TPD52: variants seen among roughly 807,000 people sequenced by gnomAD.
TPD52 encodes the protein tumor protein D52, also known as prostate and colon associated protein.
TPD52 carries 17 observed loss-of-function variants against 31.3 expected under a neutral mutation model. The observed-to-expected ratio is 0.54, with a 90% CI of 0.37 to 0.82. The LOEUF (loss-of-function observed/expected upper bound fraction) is 0.82. TPD52 is among the 40% of genes least tolerant of loss of function. TPD52 has a pLI of 0.00. For synonymous variants in TPD52, 83 were observed against 89.6 expected (o/e 0.93, Z 0.42); for missense variants, 212 against 240.1 (o/e 0.88, Z 0.77).
At chr8:80,050,082 C>A (rs1397326549) in intron 5 of TPD52, among the ~76,000 whole-genome samples, 1 of 152,000 alleles carries the variant, frequency 6.6e-6, no homozygotes, top group African/African-American at 2.4e-5. Context: ...AACATCCTTA[C>A]AAAAGTACCA....
intron 1 of TPD52, among the ~76,000 whole-genome samples, chr8:80,090,548 T>A (rs961229736): frequency 6.6e-6 from 1 of 152,308 alleles, no homozygotes; most frequent in Admixed American, 6.5e-5. Context: ...CTAGATTAAA[T>A]CATGTTGGCA....
chr8:80,148,890 A>T (rs1810384148), intron 1 of TPD52, among the ~76,000 whole-genome samples: 1 of 152,122 alleles, frequency 6.6e-6, no homozygotes, highest in Admixed American at 6.5e-5. Flanking sequence ...TTCTTTTTTT[A>T]ACCTAAAAGC....
chr8:80,142,565 T>G (rs7823930), intron 1 of TPD52, among the ~76,000 whole-genome samples: 77,441 of 151,902 alleles, frequency 0.51, 20,250 homozygotes, highest in East Asian at 0.78. Flanking sequence ...AGCCAGGTGT[T>G]GTGCCGCACA....
chr8:80,133,138 T>C (rs995987191), intron 1 of TPD52, among the ~76,000 whole-genome samples: 3 of 152,190 alleles, frequency 2.0e-5, no homozygotes, highest in Non-Finnish European at 2.9e-5. Flanking sequence ...CCTGCATTTG[T>C]AAAACCAGGT....
chr8:80,124,665 T>A (rs1446407961), intron 1 of TPD52, among the ~76,000 whole-genome samples: 3 of 152,216 alleles, frequency 2.0e-5, no homozygotes, highest in African/African-American at 7.2e-5. Flanking sequence ...TATGTTTATA[T>A]GAATTTCACT....
intron 1 of TPD52, among the ~76,000 whole-genome samples, chr8:80,136,234 GA>G (rs1285399067): frequency 1.1e-4 from 14 of 130,640 alleles, no homozygotes; most frequent in Admixed American, 1.0e-3. Context: ...TGACATTTAA[GA>G]AAACAATGGC....
chr8:80,137,229 A>G (rs944394026), intron 1 of TPD52, among the ~76,000 whole-genome samples: 1 of 152,238 alleles, frequency 6.6e-6, no homozygotes, highest in African/African-American at 2.4e-5. Flanking sequence ...GGCTGTAAAT[A>G]GACACAGGGT....
intron 1 of TPD52, among the ~76,000 whole-genome samples, chr8:80,149,456 CA>C (rs200412689): frequency 0.012 from 1,825 of 152,226 alleles, 18 homozygotes; most frequent in Non-Finnish European, 0.019. Flanking sequence ...TCCTCATTAG[CA>C]GTGTGAGAAA....
At chr8:80,153,978 C>T (rs1025531062) in intron 1 of TPD52, among the ~76,000 whole-genome samples, 1 of 152,164 alleles carries the variant, frequency 6.6e-6, no homozygotes. Context: ...CAGAAAGGCC[C>T]AAACCATCCC....
At chr8:80,150,532 C>A (rs946181982) in intron 1 of TPD52, among the ~76,000 whole-genome samples, 15 of 152,178 alleles carry the variant, frequency 9.9e-5, no homozygotes, top group Non-Finnish European at 1.6e-4. Context: ...AACGCCAGCC[C>A]GTGAAAGCAG....
chr8:80,067,951 A>G (rs912216596), intron 1 of TPD52, among the ~76,000 whole-genome samples: 4 of 152,116 alleles, frequency 2.6e-5, no homozygotes, highest in African/African-American at 9.7e-5. Flanking sequence ...CTTTTGGGAG[A>G]AAAGATTAAT....
intron 1 of TPD52, among the ~76,000 whole-genome samples, chr8:80,148,877 C>A (rs905804882): frequency 2.0e-5 from 3 of 152,106 alleles, no homozygotes; most frequent in African/African-American, 7.2e-5. Context: ...AGAGAAAAAT[C>A]ATTTCTTTTT....
intron 1 of TPD52, chr8:80,122,715 CTT>C (rs1324531615): frequency 1.3e-5 from 2 of 152,372 alleles, no homozygotes; most frequent in Non-Finnish European, 2.9e-5. Flanking sequence ...GCTTAATAAA[CTT>C]TTGCTGCTTG....
At chr8:80,104,707 G>T (rs1751122379) in intron 1 of TPD52, among the ~76,000 whole-genome samples, 1 of 144,324 alleles carries the variant, frequency 6.9e-6, no homozygotes, top group Non-Finnish European at 1.5e-5. Flanking sequence ...GAAGGAAAAA[G>T]AACTAAATGA....
chr8:80,049,151 C>G (rs772592359), intron 5 of TPD52, among the ~76,000 whole-genome samples: 4 of 152,134 alleles, frequency 2.6e-5, no homozygotes, highest in Admixed American at 1.3e-4. Flanking sequence ...TGCATCACAT[C>G]GAACATTTTA....
chr8:80,092,710 AACTGTAGATCTCGTGAAG>A, intron 1 of TPD52, among the ~76,000 whole-genome samples: 1 of 152,176 alleles, frequency 6.6e-6, no homozygotes, highest in Non-Finnish European at 1.5e-5. Context: ...TGGAGCTAAA[AACTGTAGATCTCGTGAAG>A]AGAGAGTAAA....
intron 1 of TPD52, among the ~76,000 whole-genome samples, chr8:80,079,391 A>G (rs1047002721): frequency 1.3e-5 from 2 of 152,202 alleles, no homozygotes. Context: ...AAAGATGGCT[A>G]CCAGGTGCAA....
chr8:80,031,714 T>C (rs1478151592), downstream of TPD52, among the ~76,000 whole-genome samples: 3 of 152,046 alleles, frequency 2.0e-5, no homozygotes, highest in African/African-American at 7.2e-5. Context: ...AAAATCAGCC[T>C]GGGGCAGTGG....
At chr8:80,098,087 T>G (rs1806465963) in intron 1 of TPD52, among the ~76,000 whole-genome samples, 1 of 152,246 alleles carries the variant, frequency 6.6e-6, no homozygotes, top group Non-Finnish European at 1.5e-5. Flanking sequence ...TTCAGCCCAC[T>G]GTTGAGAGCT....
Sources: allele counts gnomAD v4.1 joint callset (sites outside exome capture counted in the v4.1 genomes callset), GRCh38; gene constraint gnomAD v4.1.1; transcripts MANE v1.5; gene names NCBI Gene and HGNC (gene_info 2026-07-23, HGNC 2026-07-21).